Variants in OTUD7B observed in about 807,000 individuals in gnomAD.
OTUD7B encodes OTU domain-containing protein 7B.
OTUD7B carries 34 observed loss-of-function variants against 82.2 expected under a neutral mutation model. That is an observed-to-expected ratio of 0.41 (90% CI 0.31 to 0.55). OTUD7B has a LOEUF of 0.55. Ranked by LOEUF, OTUD7B falls within the 20% of genes least tolerant of loss-of-function variation. OTUD7B has a pLI of 0.20. For missense variants in OTUD7B, 944 were observed against 1,062.1 expected (o/e 0.89, Z 1.55); for synonymous variants, 398 against 402.7 (o/e 0.99, Z 0.14).
chr1:149,965,652 A>G, intron 5 of OTUD7B, 125 bp downstream of exon 5: 1 of 686,204 alleles, frequency 1.5e-6, no homozygotes, highest in Non-Finnish European at 2.6e-6. Flanking sequence ...GTAAGCATGC[A>G]CAATCTCGCT....
the OTUD7B span, among the ~76,000 whole-genome samples, chr1:150,032,092 C>A: frequency 6.7e-6 from 1 of 149,052 alleles, no homozygotes; most frequent in Non-Finnish European, 1.5e-5. Flanking sequence ...GGGTGGATCA[C>A]TTGAGGTCAG....
At position 149,944,276 on chromosome 1, in the gene OTUD7B, C is replaced by T. The variant is rs371589440; in HGVS notation, c.2113G>A (p.Gly705Arg). The T allele has an allele frequency of 1.2e-5, 19 of 1,609,838 alleles. No homozygotes were observed. Among genetic ancestry groups the T allele is most frequent in the African/African-American group, 9.4e-5 (7 of 74,864 alleles). The change falls in exon 12 of 12, where the codon GGA becomes AGA. Residue 705 changes from glycine (G) to arginine (R), a missense_variant. Gly to Arg is a moderately radical substitution (Grantham distance 125, BLOSUM62 -2). Around this residue, in one of 3 missense-constraint regions of OTUD7B, gnomAD observed 412 missense variants for 418.7 expected, o/e 0.98. Transcript: ENST00000581312. Reference protein sequence around the residue: ...DFTIPRPSGGGVHCQEPRRQL... With the variant: ...DFTIPRPSGGRVHCQEPRRQL... ...CTCCGGGGTTCCTGGCAGTGGACTCCGCCCCCAGACGGCCGAGGGATAGTA... is the reference window on the plus strand; with the variant it reads ...CTCCGGGGTTCCTGGCAGTGGACTCTGCCCCCAGACGGCCGAGGGATAGTA...
At chr1:150,050,916 T>TAAAAAAAAAAAAAGAAAAGA in the OTUD7B span, among the ~76,000 whole-genome samples, 1 of 144,888 alleles carries the variant, frequency 6.9e-6, no homozygotes, top group Non-Finnish European at 1.5e-5. Context: ...AGATAGTCCT[T>TAAAAAAAAAAAAAGAAAAGA]AAAAAAAAAA....
At chr1:150,033,819 T>A in the OTUD7B span, among the ~76,000 whole-genome samples, 59 of 152,246 alleles carry the variant, frequency 3.9e-4, no homozygotes, top group Admixed American at 8.5e-4. Flanking sequence ...CCTCCCAGGT[T>A]TAAGCGATTC....
At chr1:150,015,143 T>C (rs782077412), upstream of OTUD7B, among the ~76,000 whole-genome samples, 9 of 152,198 alleles carry the variant, frequency 5.9e-5, no homozygotes, top group Non-Finnish European at 1.2e-4. Flanking sequence ...GGCAGCCATT[T>C]GGCAAATGAA....
intron 7 of OTUD7B, among the ~76,000 whole-genome samples, chr1:149,954,475 C>T (rs377693141): frequency 2.6e-5 from 4 of 152,190 alleles, no homozygotes; most frequent in South Asian, 4.1e-4. Flanking sequence ...ATTCTTGCAT[C>T]GATGTTCATC....
chr1:150,066,225 A>AT, the OTUD7B span, among the ~76,000 whole-genome samples: 25 of 152,184 alleles, frequency 1.6e-4, no homozygotes, highest in Non-Finnish European at 3.4e-4. The surrounding 1 kb of genome is among the most constrained non-coding windows in gnomAD (Gnocchi z 4.6). Flanking sequence ...GATTTACAGG[A>AT]TTTTCATTAG....
At chr1:149,952,095 AATGTGCAGGTTTGTTACATAAGTATAC>A (rs1324994950) in intron 7 of OTUD7B, among the ~76,000 whole-genome samples, 1 of 152,034 alleles carries the variant, frequency 6.6e-6, no homozygotes, top group Non-Finnish European at 1.5e-5. Context: ...ACATGTGCAC[AATGTGCAGGTTTGTTACATAAGTATAC>A]ATATGCCACG....
intron 5 of OTUD7B, among the ~76,000 whole-genome samples, 178 bp downstream of exon 5, chr1:149,965,599 C>T (rs145125185): frequency 6.6e-6 from 1 of 152,342 alleles, no homozygotes; most frequent in East Asian, 1.9e-4. Context: ...GTAGGGCTCA[C>T]TCCCATTTCC....
At chr1:150,008,208 G>A (rs1477727849) in intron 1 of OTUD7B, among the ~76,000 whole-genome samples, 2 of 152,262 alleles carry the variant, frequency 1.3e-5, no homozygotes, top group African/African-American at 2.4e-5. Context: ...CTGGAATAAA[G>A]TATGCAGTTC....
chr1:150,002,110 T>C (rs1652331276), intron 1 of OTUD7B, among the ~76,000 whole-genome samples: 1 of 152,202 alleles, frequency 6.6e-6, no homozygotes, highest in African/African-American at 2.4e-5. Context: ...AAAACAAATA[T>C]GACAAAATGT....
intron 1 of OTUD7B, among the ~76,000 whole-genome samples, chr1:149,995,179 T>C (rs1571716860): frequency 6.6e-6 from 1 of 152,246 alleles, no homozygotes; most frequent in African/African-American, 2.4e-5. Context: ...ACTTGTGGGT[T>C]AGATACATCC....
intron 1 of OTUD7B, among the ~76,000 whole-genome samples, chr1:149,993,044 G>C (rs758318679): frequency 3.3e-5 from 5 of 152,024 alleles, no homozygotes; most frequent in Non-Finnish European, 5.9e-5. Context: ...CCAGCTACAA[G>C]GGAGGCTGAG....
chr1:149,946,270 G>A (rs1647726497), intron 11 of OTUD7B, among the ~76,000 whole-genome samples: 1 of 151,790 alleles, frequency 6.6e-6, no homozygotes, highest in South Asian at 2.1e-4. Context: ...GGCTGAGGCA[G>A]GAGAATCGCT....
chr1:149,966,349 A>G (rs1027720521), intron 4 of OTUD7B, among the ~76,000 whole-genome samples: 1 of 152,042 alleles, frequency 6.6e-6, no homozygotes, highest in African/African-American at 2.4e-5. Context: ...CCTTCCCTCC[A>G]CTCAGGAGAC....
chr1:150,050,046 GTACAAAACTTTTAAAAAAA>G, the OTUD7B span, among the ~76,000 whole-genome samples: 3 of 151,986 alleles, frequency 2.0e-5, no homozygotes, highest in African/African-American at 4.8e-5. Flanking sequence ...ACCCCCATCT[GTACAAAACTTTTAAAAAAA>G]TTCTCCAGGC....
At chr1:149,952,456 A>T (rs1553773698) in intron 7 of OTUD7B, among the ~76,000 whole-genome samples, 1 of 152,064 alleles carries the variant, frequency 6.6e-6, no homozygotes, top group African/African-American at 2.4e-5. Context: ...TCATTGTTGG[A>T]CATTTGGGTT....
chr1:149,990,168 G>A (rs1651462191), intron 1 of OTUD7B, among the ~76,000 whole-genome samples: 1 of 152,228 alleles, frequency 6.6e-6, no homozygotes, highest in African/African-American at 2.4e-5. Context: ...TGCCCATTGG[G>A]ATAGGAAGAG....
At chr1:150,059,268 T>C in the OTUD7B span, among the ~76,000 whole-genome samples, 1 of 115,964 alleles carries the variant, frequency 8.6e-6, no homozygotes, top group Non-Finnish European at 1.7e-5. Flanking sequence ...TTGGCCAGGC[T>C]GGTCTTGAAC....
Sources: gnomAD v4.1 joint callset for allele counts (sites outside exome capture counted in the v4.1 genomes callset) on GRCh38, gnomAD v4.1.1 for gene constraint, gnomAD v4.1.1 regional missense constraint, Gnocchi (gnomAD v3.1) non-coding constraint, MANE v1.5 for transcripts, NCBI Gene and HGNC (gene_info 2026-07-23, HGNC 2026-07-21) for gene names.